Variants in GALK1 observed in about 807,000 individuals in gnomAD.
GALK1 encodes the protein galactokinase 1.
In GALK1, 30 loss-of-function variants were observed where a neutral mutation model predicts 38.6. The observed-to-expected ratio is 0.78, with a 90% CI of 0.58 to 1.05. The LOEUF (loss-of-function observed/expected upper bound fraction) is 1.05. Ranked by LOEUF, GALK1 falls within the 50% of genes least tolerant of loss-of-function variation. The pLI, the probability that GALK1 is intolerant of heterozygous loss-of-function variation, is 0.00. For synonymous variants in GALK1, 240 were observed against 233.6 expected, an observed-to-expected ratio of 1.03 and a Z score of -0.25; for missense variants, 512 against 540.5, an observed-to-expected ratio of 0.95 and a Z score of 0.52.
In GALK1 at chr17:75,758,197, G is replaced by A; in HGVS notation, c.1107+13C>T. On this transcript the variant is annotated intron_variant, in intron 7 of 7. Transcript: ENST00000588479. The stretch of plus-strand genomic sequence containing the variant: ...TGCCGCTCCTGCCCGCCCAGGCCCT[G>A]GTGCCCGCCCACCTGGATGTGCCGC... 1 of 1,608,288 alleles carries A rather than the reference G, an allele frequency of 6.2e-7. No homozygotes were observed. Among genetic ancestry groups the A allele is most frequent in the South Asian group, 1.1e-5 (1 of 90,512 alleles).
chr17:75,757,131 C>T (rs375663759), downstream of GALK1: 144 of 1,612,906 alleles, frequency 8.9e-5, no homozygotes, highest in African/African-American at 1.5e-3. Context: ...CTTTCCTTCA[C>T]CCCCACCCCT....
At chr17:75,755,091 TTCCGCTG>T, downstream of GALK1, 12 of 1,602,912 alleles carry the variant, frequency 7.5e-6, no homozygotes, top group Non-Finnish European at 1.0e-5. Flanking sequence ...AGGAGCAGGC[TTCCGCTG>T]TCCTGGGCCC....
chr17:75,758,225 G>C lies in GALK1; in HGVS notation c.1092C>G (p.Ala364=), dbSNP rs1231236777. ...TLLEASAAPH[A]MRHIQEHYGG... ...GCCCGCCCACCTGGATGTGCCGCAT[G>C]GCGTGGGGAGCAGCGGAGGCCTCCA... The change falls in exon 7 of 8, where the codon GCC becomes GCG. Residue 364 remains alanine, a synonymous_variant. Coordinates refer to ENST00000588479, the MANE Select transcript of GALK1 (RefSeq NM_000154.2). 2 of 1,605,492 alleles carry C rather than the reference G, an allele frequency of 1.2e-6. No homozygotes were observed. Among genetic ancestry groups the C allele is most frequent in the African/African-American group, 2.7e-5 (2 of 74,860 alleles).
chr17:75,757,662 C>G (rs746624219), downstream of GALK1: 7 of 1,475,900 alleles, frequency 4.7e-6, no homozygotes, highest in South Asian at 6.8e-5. Flanking sequence ...CCCAGCCCAC[C>G]CGCATGCACA....
intron 1 of GALK1, 162 bp from the exon 2 acceptor site, chr17:75,764,248 G>C (rs2061600866): frequency 1.4e-5 from 11 of 808,044 alleles, no homozygotes; most frequent in Non-Finnish European, 2.0e-5. Flanking sequence ...CTGACCTTGG[G>C]GGCTTGAGCC....
chr17:75,760,245 C>T (rs1403152931), intron 5 of GALK1, among the ~76,000 whole-genome samples: 2 of 151,946 alleles, frequency 1.3e-5, no homozygotes, highest in Non-Finnish European at 2.9e-5. Context: ...AGGCACACAC[C>T]ACCACACCTG....
intron 1 of GALK1, chr17:75,764,553 T>C: frequency 2.1e-6 from 1 of 469,650 alleles, no homozygotes; most frequent in South Asian, 1.6e-5. Context: ...TCTCTAGGCC[T>C]CAGTTTCCTC....
intron 5 of GALK1, among the ~76,000 whole-genome samples, chr17:75,759,824 C>T (rs1408581143): frequency 1.3e-5 from 2 of 152,180 alleles, no homozygotes; most frequent in Non-Finnish European, 1.5e-5. Flanking sequence ...GATAGGCACA[C>T]CTACACTGCC....
In GALK1 at chr17:75,763,112, C is replaced by T; in HGVS notation, c.513G>A (p.Gln171=). The change falls in exon 4 of 8, where the codon CAG becomes CAA. Residue 171 remains glutamine, a synonymous_variant. Coordinates refer to ENST00000588479, the MANE Select transcript of GALK1 (RefSeq NM_000154.2). ...GTIAARAQVC[Q]QAEHSFAGMP... Reference sequence around the variant, plus strand: ...TCCCTGCGAAGCTGTGCTCGGCCTGCTGACACACCTGGGCGCGGGCAGCTA... The same window carrying T: ...TCCCTGCGAAGCTGTGCTCGGCCTGTTGACACACCTGGGCGCGGGCAGCTA... 1 of 1,612,292 alleles carries T rather than the reference C, an allele frequency of 6.2e-7. No homozygotes were observed. Among genetic ancestry groups the T allele is most frequent in the Non-Finnish European group, 8.5e-7 (1 of 1,179,994 alleles).
chr17:75,756,457 C>A, downstream of GALK1: 1 of 1,613,378 alleles, frequency 6.2e-7, no homozygotes, highest in African/African-American at 1.3e-5. Context: ...ACATCCCCAA[C>A]CCTGCCCAGA....
chr17:75,754,368 AGAG>A, downstream of GALK1: 1 of 625,042 alleles, frequency 1.6e-6, no homozygotes, highest in Non-Finnish European at 2.8e-6. Flanking sequence ...GTGGCCGGCC[AGAG>A]GATATGGGCT....
downstream of GALK1, chr17:75,755,023 G>A (rs1489266177): frequency 1.3e-6 from 2 of 1,585,186 alleles, no homozygotes; most frequent in Non-Finnish European, 1.7e-6. Flanking sequence ...CACACTCCCT[G>A]CTCCTCTCAC....
Position 75,764,075 on chromosome 17 carries a change from G to A in GALK1, c.177C>T (p.Leu59=), listed in dbSNP as rs777171437. The change falls in exon 2 of 8, where the codon CTC becomes CTT. Residue 59 remains leucine, a synonymous_variant. Transcript: ENST00000588479. ...QGLVLPMALE[L]MTVLVGSPRK... is the part of the protein sequence containing the mutation. The stretch of plus-strand genomic sequence containing the variant: ...GGGGGCTGCCCACCAGCACCGTCAT[G>A]AGCTCCAGAGCCTGGCAGGAGAGAC... 8 of 1,581,052 alleles carry A rather than the reference G, an allele frequency of 5.1e-6. No homozygotes were observed. The highest frequency in any genetic ancestry group is 6.9e-6 in the Non-Finnish European group (8 of 1,166,668).
At chr17:75,756,439 T>A (rs1448839951), downstream of GALK1, 1 of 1,613,104 alleles carries the variant, frequency 6.2e-7, no homozygotes, top group Non-Finnish European at 8.5e-7. Context: ...GTGAGCTGCA[T>A]CGGCTCAACA....
rs2061603616 is a variant in GALK1, at chr17:75,764,786, C to A, written c.165+186G>T. 1.0e-5 allele frequency: 7 copies of A among 687,820 alleles called. No homozygotes were observed. The East Asian group carries it at 1.9e-4, about 19-fold the overall frequency. 42.6% of individuals were successfully genotyped at this position (687,820 alleles called of 1,614,324 possible). On this transcript the variant is annotated intron_variant, in intron 1 of 7. Transcript: ENST00000588479. ...GCACCCTCTCCCGGCCACTTCCTCG[C>A]TTCCTCCCTTCCAACGTGGGGAACA... is the stretch of plus-strand genomic sequence containing the variant.
chr17:75,758,406 C>T, intron 6 of GALK1, 34 bp from the exon 7 acceptor site: 1 of 1,578,112 alleles, frequency 6.3e-7, no homozygotes. Flanking sequence ...TGGGCCTGGG[C>T]CGGCCTGTGC....
At chr17:75,759,600 G>A (rs369399532) in intron 5 of GALK1, among the ~76,000 whole-genome samples, 1 of 152,084 alleles carries the variant, frequency 6.6e-6, no homozygotes, top group Non-Finnish European at 1.5e-5. Context: ...GGAGGAGGCA[G>A]GGTGAGCTGC....
In GALK1 at chr17:75,762,782, G is replaced by A. The variant is rs1196885368; in HGVS notation, c.715C>T (p.Arg239Trp). 1.1e-5 allele frequency: 17 copies of A among 1,613,832 alleles called. No individual in the cohort carries two copies. The highest frequency in any genetic ancestry group is 2.2e-5 in the East Asian group (1 of 44,894). The change falls in exon 5 of 8, where the codon CGG becomes TGG. Residue 239 changes from arginine to tryptophan, a missense_variant. Arg to Trp is a moderately radical substitution (Grantham distance 101). Coordinates refer to ENST00000588479, the MANE Select transcript of GALK1 (RefSeq NM_000154.2). ...GCCACTTCTTCACATTGGCGCCGCCGCACAGGGTACTCGCTGGAGGCCAGG... is the reference window on the plus strand; with the variant it reads ...GCCACTTCTTCACATTGGCGCCGCCACACAGGGTACTCGCTGGAGGCCAGG... Reference protein sequence around the residue: ...HSLASSEYPVRRRQCEEVARA... With the variant: ...HSLASSEYPVWRRQCEEVARA...
rs1401150033 is a variant in GALK1, at chr17:75,758,213, G to C, written c.1104C>G (p.Ile368Met). 3 of 1,606,910 alleles carry C rather than the reference G, an allele frequency of 1.9e-6. No homozygotes were observed. The African/African-American group carries it at 4.0e-5, about 21-fold the overall frequency. Reference sequence around the variant, plus strand: ...CCAGGCCCTGGTGCCCGCCCACCTGGATGTGCCGCATGGCGTGGGGAGCAG... The same window carrying C: ...CCAGGCCCTGGTGCCCGCCCACCTGCATGTGCCGCATGGCGTGGGGAGCAG... ...ASAAPHAMRH[I>M]QEHYGGTATF... Residue 368 changes from isoleucine to methionine, a missense_variant, in exon 7 of 8, where the codon ATC becomes ATG. Physicochemically the swap from Ile to Met is conservative, Grantham distance 10. Transcript: ENST00000588479.
Sources: gnomAD v4.1 joint callset for allele counts (sites outside exome capture counted in the v4.1 genomes callset) on GRCh38, gnomAD v4.1.1 for gene constraint, MANE v1.5 for transcripts, NCBI Gene and HGNC (gene_info 2026-07-23, HGNC 2026-07-21) for gene names.